Variants in TGIF2 observed in about 807,000 individuals in gnomAD.
The protein encoded by TGIF2 is homeobox protein TGIF2.
In TGIF2, 5 loss-of-function variants were observed where a neutral mutation model predicts 15.1. The observed-to-expected ratio is 0.33, with a 90% CI of 0.17 to 0.70. The LOEUF is 0.70. TGIF2 is among the 30% of genes least tolerant of loss of function. TGIF2 has a pLI of 0.67. For missense variants in TGIF2, 264 were observed against 302.5 expected, an observed-to-expected ratio of 0.87 and a Z score of 0.94; for synonymous variants, 131 against 128.9, an observed-to-expected ratio of 1.02 and a Z score of -0.11.
chr20:36,591,352 T>C lies in TGIF2; in HGVS notation c.635T>C (p.Met212Thr). The C allele has an allele frequency of 6.2e-7, 1 of 1,614,180 alleles. No individual in the cohort carries two copies. The highest frequency in any genetic ancestry group is 8.5e-7 in the Non-Finnish European group (1 of 1,180,028). The change falls in exon 3 of 3, where the codon ATG becomes ACG. Residue 212 changes from methionine to threonine, a missense_variant. Physicochemically the swap from Met to Thr is moderately conservative, Grantham distance 81. Coordinates refer to ENST00000373872, the MANE Select transcript of TGIF2 (RefSeq NM_021809.7). This position sits in a 1 kb window ranked among gnomAD's most constrained non-coding sequence, Gnocchi z 5.3. ...VEVALQRAAE[M>T]ELQKQQDPSL... ...GTGGCGCTACAGAGGGCTGCTGAGATGGAGCTTCAGAAGCAGCAGGACCCA... is the reference window on the plus strand; with the variant it reads ...GTGGCGCTACAGAGGGCTGCTGAGACGGAGCTTCAGAAGCAGCAGGACCCA...
chr20:36,578,200 G>A (rs1417214800), intron 1 of TGIF2, among the ~76,000 whole-genome samples: 3 of 151,948 alleles, frequency 2.0e-5, no homozygotes, highest in Admixed American at 2.0e-4. Context: ...ATCTCTTGAG[G>A]CCAGCAGTTA....
At chr20:36,574,004 C>A (rs535093798) in intron 1 of TGIF2, among the ~76,000 whole-genome samples, 63 of 151,566 alleles carry the variant, frequency 4.2e-4, no homozygotes, top group Admixed American at 1.0e-3. Flanking sequence ...GGTGGGGGGC[C>A]CAGCTTCATA....
At chr20:36,577,228 A>G (rs1004392783) in intron 1 of TGIF2, among the ~76,000 whole-genome samples, 1 of 151,590 alleles carries the variant, frequency 6.6e-6, no homozygotes, top group Non-Finnish European at 1.5e-5. Context: ...GAGACAGGGA[A>G]TCACTCTGTC....
intron 2 of TGIF2, among the ~76,000 whole-genome samples, chr20:36,588,584 C>T (rs2038707814): frequency 6.6e-6 from 1 of 152,046 alleles, no homozygotes; most frequent in South Asian, 2.1e-4. Flanking sequence ...GCTCAACCAG[C>T]GTCCACTGAA....
chr20:36,576,091 CAAAAAAAA>C (rs1321763571), intron 1 of TGIF2, among the ~76,000 whole-genome samples: 2 of 120,718 alleles, frequency 1.7e-5, no homozygotes, highest in Non-Finnish European at 3.6e-5. Context: ...GACTCCATCT[CAAAAAAAA>C]AAAAAGAAAG....
At chr20:36,579,046 T>C in intron 2 of TGIF2, 80 bp downstream of exon 2, 1 of 1,531,022 alleles carries the variant, frequency 6.5e-7, no homozygotes, top group Non-Finnish European at 8.8e-7. Flanking sequence ...TGAGTCACTG[T>C]GGTCTTGGGC....
In TGIF2 at chr20:36,593,929, T is replaced by A. The variant is rs940765743; in HGVS notation, c.*2498T>A. On this transcript the variant is annotated 3_prime_UTR_variant, in exon 3 of 3. Transcript: ENST00000373872. ...TTTGTCTTTTGTCAAATAAAATTTT[T>A]TTTTGTTTTTTTAAGCAGAAACAGG... 3 of 152,610 alleles carry A rather than the reference T, an allele frequency of 2.0e-5. No homozygotes were observed. Among genetic ancestry groups the A allele is most frequent in the African/African-American group, 4.8e-5 (2 of 41,438 alleles). 9.5% of individuals were successfully genotyped at this position (152,610 alleles called of 1,614,324 possible).
At chr20:36,589,855 AT>A (rs1600784176) in intron 2 of TGIF2, among the ~76,000 whole-genome samples, 1 of 151,956 alleles carries the variant, frequency 6.6e-6, no homozygotes, top group East Asian at 1.9e-4. Flanking sequence ...TACCCAGCTA[AT>A]TTTTGTACTT....
chr20:36,592,599 T>C lies in TGIF2; in HGVS notation c.*1168T>C, dbSNP rs1377384320. 6.6e-6 allele frequency: 1 copy of C among 152,314 alleles called. No homozygotes were observed. The highest frequency in any genetic ancestry group is 1.9e-4 in the East Asian group (1 of 5,192). 9.4% of individuals were successfully genotyped at this position (152,314 alleles called of 1,614,324 possible). ...TTTCCCACAATGGTGGCAGGAAACT[T>C]TGGGGAAAGCAGGAATGGTGTCCAC... On this transcript the variant is annotated 3_prime_UTR_variant, in exon 3 of 3. Transcript: ENST00000373872.
chr20:36,582,350 TA>T (rs924553252), intron 2 of TGIF2, among the ~76,000 whole-genome samples: 88 of 149,076 alleles, frequency 5.9e-4, no homozygotes, highest in African/African-American at 1.9e-3. Context: ...GGTATATATA[TA>T]AAAAAAAAAC....
intron 1 of TGIF2, among the ~76,000 whole-genome samples, chr20:36,576,032 C>T (rs2038421099): frequency 2.6e-5 from 4 of 150,952 alleles, no homozygotes; most frequent in Admixed American, 2.6e-4. Flanking sequence ...ATGGAGATTG[C>T]AGTGAGCCAA....
At position 36,591,060 on chromosome 20, in the gene TGIF2, G is replaced by A; in HGVS notation, c.343G>A (p.Ala115Thr). 6.2e-7 allele frequency: 1 copy of A among 1,601,690 alleles called. No homozygotes were observed. Among genetic ancestry groups the A allele is most frequent in the South Asian group, 1.1e-5 (1 of 90,322 alleles). Residue 115 changes from alanine (A) to threonine (T), a missense_variant, in exon 3 of 3, where the codon GCT (alanine) becomes ACT (threonine). Coordinates refer to ENST00000373872, the MANE Select transcript of TGIF2 (RefSeq NM_021809.7). This position sits in a 1 kb window ranked among gnomAD's most constrained non-coding sequence, Gnocchi z 5.3. ...LPRGSSPSVL[A>T]VSVPAPTNVL... ...CCGTGGCAGCAGCCCCTCAGTGCTG[G>A]CTGTGTCTGTCCCAGCCCCCACCAA...
In TGIF2 at chr20:36,592,583, A is replaced by G. The variant is rs1352580195; in HGVS notation, c.*1152A>G. 6.6e-6 allele frequency: 1 copy of G among 152,566 alleles called. No individual in the cohort carries two copies. Among genetic ancestry groups the G allele is most frequent in the Non-Finnish European group, 1.5e-5 (1 of 68,050 alleles). 9.5% of individuals were successfully genotyped at this position (152,566 alleles called of 1,614,324 possible). On this transcript the variant is annotated 3_prime_UTR_variant, in exon 3 of 3. Transcript: ENST00000373872. ...CTCCAGAGAGGCAGCTTTTCCCACA[A>G]TGGTGGCAGGAAACTTTGGGGAAAG...
intron 2 of TGIF2, among the ~76,000 whole-genome samples, chr20:36,588,616 T>C (rs1284264792): frequency 2.0e-5 from 3 of 152,204 alleles, no homozygotes; most frequent in Non-Finnish European, 4.4e-5. Context: ...TGTGTGTGCA[T>C]TGGAGCACCA....
chr20:36,584,467 C>T (rs986265919), intron 2 of TGIF2, among the ~76,000 whole-genome samples: 1 of 151,960 alleles, frequency 6.6e-6, no homozygotes, highest in African/African-American at 2.4e-5. Context: ...GGCAGGACCT[C>T]AGAAGTAAGG....
At position 36,591,351 on chromosome 20, in the gene TGIF2, A is replaced by G. The variant is rs754100474; in HGVS notation, c.634A>G (p.Met212Val). The G allele has an allele frequency of 6.2e-7, 1 of 1,614,158 alleles. No homozygotes were observed. The highest frequency in any genetic ancestry group is 8.5e-7 in the Non-Finnish European group (1 of 1,180,022). ...GGTGGCGCTACAGAGGGCTGCTGAG[A>G]TGGAGCTTCAGAAGCAGCAGGACCC... Reference protein sequence around the residue: ...VEVALQRAAEMELQKQQDPSL... With the variant: ...VEVALQRAAEVELQKQQDPSL... Residue 212 changes from methionine (M) to valine (V), a missense_variant, in exon 3 of 3, where the codon ATG becomes GTG. Met to Val is a conservative substitution (Grantham distance 21). Transcript: ENST00000373872. This position sits in a 1 kb window ranked among gnomAD's most constrained non-coding sequence, Gnocchi z 5.3.
intron 2 of TGIF2, among the ~76,000 whole-genome samples, chr20:36,588,218 C>G (rs1180800116): frequency 1.3e-5 from 2 of 152,094 alleles, no homozygotes; most frequent in African/African-American, 4.8e-5. Context: ...ACTTTGGGGA[C>G]ACTGCCCTCT....
intron 1 of TGIF2, among the ~76,000 whole-genome samples, chr20:36,575,157 G>C (rs2147917631): frequency 6.6e-6 from 1 of 152,202 alleles, no homozygotes; most frequent in South Asian, 2.1e-4. Flanking sequence ...TAAGCTGTGC[G>C]TGTGCGTGCT....
rs1393135588 is a variant in TGIF2, at chr20:36,593,497, C to G, written c.*2066C>G. 6.6e-6 allele frequency: 1 copy of G among 152,620 alleles called. No individual in the cohort carries two copies. Among genetic ancestry groups the G allele is most frequent in the Non-Finnish European group, 1.5e-5 (1 of 68,192 alleles). 9.5% of individuals were successfully genotyped at this position (152,620 alleles called of 1,614,324 possible). A position where few individuals can be genotyped will look rare whatever the true frequency, so the allele number is the denominator to read the frequency against. On this transcript the variant is annotated 3_prime_UTR_variant, in exon 3 of 3. Transcript: ENST00000373872. ...CTCTGGCTTCTTCCTCCCGTGCCCT[C>G]TCCCCGTGTGCCCCAGGGGGATCAG...
Sources: gnomAD v4.1 joint callset for allele counts (sites outside exome capture counted in the v4.1 genomes callset) on GRCh38, gnomAD v4.1.1 for gene constraint, Gnocchi (gnomAD v3.1) non-coding constraint, MANE v1.5 for transcripts, NCBI Gene and HGNC (gene_info 2026-07-23, HGNC 2026-07-21) for gene names.